GABRG3: variants seen among roughly 807,000 people sequenced by gnomAD.
GABRG3 encodes the protein gamma-aminobutyric acid receptor subunit gamma-3.
A neutral mutation model predicts 48.8 loss-of-function variants in GABRG3; 25 were observed. The ratio of observed to expected loss-of-function variants is 0.51; its 90% confidence interval spans 0.37 to 0.72. The LOEUF is 0.72. Among genes scored for constraint, GABRG3 ranks in the 30% least tolerant of loss-of-function variants. The pLI, the probability that GABRG3 is intolerant of heterozygous loss-of-function variation, is 0.00. For synonymous variants in GABRG3, 227 were observed against 217.6 expected, an observed-to-expected ratio of 1.04 and a Z score of -0.38; for missense variants, 394 against 577.9, an observed-to-expected ratio of 0.68 and a Z score of 3.26.
chr15:27,519,287 C>A (rs1891101917), intron 6 of GABRG3, among the ~76,000 whole-genome samples: 3 of 152,058 alleles, frequency 2.0e-5, no homozygotes, highest in African/African-American at 4.8e-5. Context: ...CTCTTTCAAG[C>A]CCCCGGGGGA....
intron 5 of GABRG3, among the ~76,000 whole-genome samples, chr15:27,405,293 C>G (rs190237215): frequency 5.3e-5 from 8 of 152,278 alleles, no homozygotes; most frequent in East Asian, 1.9e-4. Flanking sequence ...TCTATGACCA[C>G]TAAATCCATG....
intron 5 of GABRG3, among the ~76,000 whole-genome samples, chr15:27,345,491 G>A (rs1465074717): frequency 6.6e-6 from 1 of 152,160 alleles, no homozygotes; most frequent in African/African-American, 2.4e-5. Flanking sequence ...ATTTTATCCT[G>A]TATCCTGCAA....
intron 6 of GABRG3, among the ~76,000 whole-genome samples, chr15:27,483,613 C>T (rs1890149882): frequency 6.6e-6 from 1 of 152,184 alleles, no homozygotes; most frequent in Non-Finnish European, 1.5e-5. Context: ...CCAGACACAT[C>T]CTTTTTACTT....
chr15:27,438,829 G>A (rs1474918137), intron 5 of GABRG3, among the ~76,000 whole-genome samples: 2 of 152,190 alleles, frequency 1.3e-5, no homozygotes, highest in Non-Finnish European at 2.9e-5. Flanking sequence ...ACCCAGCCAG[G>A]GTGCTTGGCC....
At position 27,328,881 on chromosome 15, in the gene GABRG3, C is replaced by T. The variant is rs751032451; in HGVS notation, c.567C>T (p.Phe189=). 1 of 1,613,950 alleles carries T rather than the reference C, an allele frequency of 6.2e-7. No homozygotes were observed. The highest frequency in any genetic ancestry group is 1.7e-5 in the Admixed American group (1 of 60,036). Residue 189 remains phenylalanine, a synonymous_variant, in exon 5 of 10, where the codon TTC becomes TTT. Transcript: ENST00000615808. ...ACGAACACTCCTGCCCGCTGATTTTCTCCAGCTGTGAGTACCAGTCCAAGC... is the reference window on the plus strand; with the variant it reads ...ACGAACACTCCTGCCCGCTGATTTTTTCCAGCTGTGAGTACCAGTCCAAGC... ...PMDEHSCPLI[F]SSYGYPKEEM... is the part of the protein sequence containing the mutation.
intron 3 of GABRG3, among the ~76,000 whole-genome samples, chr15:27,172,834 A>G (rs917869324): frequency 6.6e-6 from 1 of 152,046 alleles, no homozygotes; most frequent in Non-Finnish European, 1.5e-5. Flanking sequence ...ACTTTTGAGA[A>G]GGGCCCCCAC....
chr15:27,294,476 A>G (rs1430725927), intron 3 of GABRG3, among the ~76,000 whole-genome samples: 1 of 152,082 alleles, frequency 6.6e-6, no homozygotes, highest in Non-Finnish European at 1.5e-5. Flanking sequence ...TCAGCCTCCC[A>G]AACTGCTGGG....
intron 3 of GABRG3, among the ~76,000 whole-genome samples, chr15:27,108,833 A>C (rs1331859806): frequency 6.6e-6 from 1 of 151,950 alleles, no homozygotes; most frequent in African/African-American, 2.4e-5. Context: ...GATCCTCCTC[A>C]TTTCTAATAA....
chr15:27,224,388 T>C (rs1889546091), intron 3 of GABRG3, among the ~76,000 whole-genome samples: 1 of 152,198 alleles, frequency 6.6e-6, no homozygotes, highest in South Asian at 2.1e-4. Context: ...AGGAAGTGGT[T>C]CTTTGAGAAC....
Position 27,480,800 on chromosome 15 carries a change from TG to T in GABRG3, c.712+14del. ...ACAACGTCTGCAGGTAGGAATTTAC[TG>T]AAAGAGGCACAGCTCTCAAAAGCCA... On this transcript the variant is annotated intron_variant, in intron 6 of 9. Coordinates refer to ENST00000615808, the MANE Select transcript of GABRG3 (RefSeq NM_033223.5). 6.2e-7 allele frequency: 1 copy of T among 1,613,114 alleles called. No homozygotes were observed. The highest frequency in any genetic ancestry group is 8.5e-7 in the Non-Finnish European group (1 of 1,179,548).
chr15:27,161,652 G>A (rs1472768487), intron 3 of GABRG3, among the ~76,000 whole-genome samples: 1 of 151,884 alleles, frequency 6.6e-6, no homozygotes, highest in Non-Finnish European at 1.5e-5. Context: ...GAATACTTTA[G>A]CATTTTGAAT....
intron 2 of GABRG3, among the ~76,000 whole-genome samples, chr15:27,016,239 T>TC (rs1566909793): frequency 8.9e-6 from 1 of 112,896 alleles, no homozygotes; most frequent in Non-Finnish European, 1.9e-5. Flanking sequence ...TTTCTTTCTT[T>TC]CTTTTTTTTT....
chr15:27,170,774 A>G (rs778215550), intron 3 of GABRG3, among the ~76,000 whole-genome samples: 8 of 152,210 alleles, frequency 5.3e-5, no homozygotes, highest in South Asian at 2.1e-4. Context: ...AGATGTGGGC[A>G]AGAAATATAT....
At chr15:27,475,168 G>T (rs1399888574) in intron 5 of GABRG3, among the ~76,000 whole-genome samples, 1 of 151,976 alleles carries the variant, frequency 6.6e-6, no homozygotes, top group Non-Finnish European at 1.5e-5. Flanking sequence ...TGGATTTGGG[G>T]AACATGACAA....
intron 3 of GABRG3, among the ~76,000 whole-genome samples, chr15:27,211,406 G>A (rs188731710): frequency 3.3e-5 from 5 of 152,298 alleles, no homozygotes; most frequent in Non-Finnish European, 7.4e-5. Context: ...TCCGTGAAGC[G>A]TGGAGCCGCC....
chr15:26,972,464 C>T (rs1048935709), intron 1 of GABRG3, among the ~76,000 whole-genome samples: 1 of 152,172 alleles, frequency 6.6e-6, no homozygotes, highest in African/African-American at 2.4e-5. Flanking sequence ...GGCTGGATTT[C>T]TGGCTAGAGC....
chr15:26,988,481 T>A (rs1566901540), intron 2 of GABRG3, among the ~76,000 whole-genome samples: 2 of 152,180 alleles, frequency 1.3e-5, no homozygotes, highest in Non-Finnish European at 2.9e-5. Flanking sequence ...AGTGTTAGTA[T>A]GGTATATACG....
chr15:27,455,865 T>C (rs1889260556), intron 5 of GABRG3, among the ~76,000 whole-genome samples: 2 of 152,146 alleles, frequency 1.3e-5, no homozygotes, highest in Non-Finnish European at 2.9e-5. Context: ...GTAAACACTT[T>C]CTGAAGGTGC....
chr15:27,201,577 TACACCTTGAGAGC>T (rs528391317), intron 3 of GABRG3, among the ~76,000 whole-genome samples: 7,524 of 152,000 alleles, frequency 0.05, 433 homozygotes, highest in African/African-American at 0.14. Context: ...CTGTAACACT[TACACCTTGAGAGC>T]TGGATTAGTC....
Sources: allele counts gnomAD v4.1 joint callset (sites outside exome capture counted in the v4.1 genomes callset), GRCh38; gene constraint gnomAD v4.1.1; transcripts MANE v1.5; gene names NCBI Gene and HGNC (gene_info 2026-07-23, HGNC 2026-07-21).